The following SPATS2L variants were observed in gnomAD, a reference collection of about 807,000 sequenced individuals.
SPATS2L encodes spermatogenesis associated serine rich 2 like.
A neutral mutation model predicts 59.6 loss-of-function variants in SPATS2L; 30 were observed. The ratio of observed to expected loss-of-function variants is 0.50; its 90% CI spans 0.38 to 0.68. The LOEUF (loss-of-function observed/expected upper bound fraction) is 0.68. SPATS2L is among the 30% of genes least tolerant of loss of function. SPATS2L has a pLI of 0.00. For synonymous variants in SPATS2L, 252 were observed against 263.5 expected, an observed-to-expected ratio of 0.96 and a Z score of 0.42; for missense variants, 615 against 700.0, an observed-to-expected ratio of 0.88 and a Z score of 1.37.
chr2:200,444,000 C>T (rs2084869016), intron 8 of SPATS2L, among the ~76,000 whole-genome samples: 1 of 152,182 alleles, frequency 6.6e-6, no homozygotes, highest in Non-Finnish European at 1.5e-5. Context: ...AGAGCATTCT[C>T]ATTTTCCCAG....
chr2:200,413,046 A>G (rs898092425), intron 4 of SPATS2L, among the ~76,000 whole-genome samples: 2 of 152,134 alleles, frequency 1.3e-5, no homozygotes, highest in African/African-American at 4.8e-5. Flanking sequence ...ACAGACTGAG[A>G]CCCTGTCTCA....
chr2:200,415,120 C>T (rs181933924), intron 4 of SPATS2L, among the ~76,000 whole-genome samples: 4 of 152,210 alleles, frequency 2.6e-5, no homozygotes, highest in Admixed American at 1.3e-4. Flanking sequence ...ATTCTCTGGA[C>T]AAATTAGAGA....
At chr2:200,394,783 G>A (rs898342310) in intron 3 of SPATS2L, among the ~76,000 whole-genome samples, 2 of 152,092 alleles carry the variant, frequency 1.3e-5, no homozygotes, top group Non-Finnish European at 2.9e-5. Context: ...CAGAAACTTG[G>A]GTTACTTACG....
Position 200,462,029 on chromosome 2 carries a change from T to A in SPATS2L, c.847+2202T>A, listed in dbSNP as rs547041252. ...CTTTGATTGTGAAATTATTTTATTC[T>A]TATGAAATTTGTTGACATCTTCAGT... On this transcript the variant is annotated intron_variant, in intron 9 of 12. Transcript: ENST00000409140. 1.1e-4 allele frequency among the ~76,000 whole-genome samples: 16 copies of A among 152,316 alleles called. No individual in the cohort carries two copies. In the South Asian group the frequency reaches 3.1e-3, roughly 30 times the overall value.
intron 2 of SPATS2L, among the ~76,000 whole-genome samples, chr2:200,367,528 A>G (rs2081302632): frequency 6.6e-6 from 1 of 152,262 alleles, no homozygotes; most frequent in Non-Finnish European, 1.5e-5. Context: ...GAAAATCTAT[A>G]CTTTTCAAGA....
chr2:200,474,345 C>CA (rs1176497698), intron 12 of SPATS2L, among the ~76,000 whole-genome samples: 3 of 148,946 alleles, frequency 2.0e-5, no homozygotes, highest in Admixed American at 2.0e-4. Context: ...AGTTTTTGTT[C>CA]TTTTTTTTTT....
chr2:200,473,831 CTCT>C (rs2087274778), intron 12 of SPATS2L, among the ~76,000 whole-genome samples: 1 of 152,106 alleles, frequency 6.6e-6, no homozygotes, highest in Non-Finnish European at 1.5e-5. Flanking sequence ...GAAACCCTGT[CTCT>C]ACTAAAAACA....
chr2:200,350,297 C>T (rs1424890676), intron 2 of SPATS2L, among the ~76,000 whole-genome samples: 6 of 152,066 alleles, frequency 3.9e-5, no homozygotes, highest in African/African-American at 1.4e-4. Context: ...TGCTTTCCTT[C>T]TTTCTGAATG....
chr2:200,425,909 T>C (rs1227157943), intron 6 of SPATS2L, among the ~76,000 whole-genome samples: 1 of 152,026 alleles, frequency 6.6e-6, no homozygotes, highest in Admixed American at 6.6e-5. Flanking sequence ...AGCAATTCCA[T>C]AGAAGGTCCC....
At chr2:200,384,722 A>G (rs749433488) in intron 2 of SPATS2L, among the ~76,000 whole-genome samples, 1 of 152,212 alleles carries the variant, frequency 6.6e-6, no homozygotes. Context: ...TCTTTCCTTT[A>G]TGACTAATAT....
chr2:200,307,129 T>TCGC (rs1405294833), intron 1 of SPATS2L, among the ~76,000 whole-genome samples: 1 of 150,286 alleles, frequency 6.7e-6, no homozygotes, highest in Non-Finnish European at 1.5e-5. Context: ...GACGCGAAGG[T>TCGC]CGCCGTCCTT....
At chr2:200,313,141 G>A (rs375325925) in intron 1 of SPATS2L, among the ~76,000 whole-genome samples, 17 of 152,166 alleles carry the variant, frequency 1.1e-4, no homozygotes, top group African/African-American at 4.1e-4. Context: ...TGGTGACACT[G>A]AAAATATTTA....
intron 3 of SPATS2L, among the ~76,000 whole-genome samples, chr2:200,396,011 GAAAAAA>G (rs1218853084): frequency 1.3e-3 from 14 of 10,580 alleles, no homozygotes; most frequent in South Asian, 7.5e-3. Context: ...ACTCGATCTG[GAAAAAA>G]AAAAAAAAAA....
intron 2 of SPATS2L, among the ~76,000 whole-genome samples, chr2:200,347,263 G>A (rs1245887249): frequency 2.0e-5 from 3 of 152,110 alleles, no homozygotes; most frequent in Non-Finnish European, 4.4e-5. Flanking sequence ...AATGTCCCCA[G>A]CCAAAAGACT....
chr2:200,471,960 G>A (rs903733720), intron 11 of SPATS2L, among the ~76,000 whole-genome samples: 3 of 152,216 alleles, frequency 2.0e-5, no homozygotes, highest in Admixed American at 1.3e-4. Context: ...GGAAGTCAGG[G>A]CTTTATCCTT....
In SPATS2L at chr2:200,318,000, G is replaced by A. The variant is rs188041366; in HGVS notation, c.-73+11078G>A. On this transcript the variant is annotated intron_variant, in intron 1 of 12. Coordinates refer to ENST00000409140, the MANE Select transcript of SPATS2L (RefSeq NM_001100423.2). ...AGGGAAAAAGCTTTAGTATGCTAAG[G>A]TAAGAATGATTTTGATTGGAGGCAA... Among the ~76,000 whole-genome samples the A allele has an allele frequency of 2.0e-5, 3 of 152,310 alleles. No homozygotes were observed. The East Asian group carries it at 5.8e-4, about 29-fold the overall frequency.
rs115467849 is a variant in SPATS2L, at chr2:200,340,101, A to G, written c.-23+10621A>G. On this transcript the variant is annotated intron_variant, in intron 2 of 12. Coordinates refer to ENST00000409140, the MANE Select transcript of SPATS2L (RefSeq NM_001100423.2). ...TCGACCCACGTCACATCTGCAATCT[A>G]AGAGCCCCACTGTGGCCATCTCCCC... 3.7e-3 allele frequency among the ~76,000 whole-genome samples: 566 copies of G among 152,250 alleles called. 5 individuals carry two copies. The highest frequency in any genetic ancestry group is 0.013 in the African/African-American group (525 of 41,554).
intron 12 of SPATS2L, among the ~76,000 whole-genome samples, chr2:200,475,503 GA>G (rs958018210): frequency 6.6e-6 from 1 of 152,230 alleles, no homozygotes; most frequent in African/African-American, 2.4e-5. Flanking sequence ...ATAAAAGACA[GA>G]TGGTTGTATT....
intron 8 of SPATS2L, among the ~76,000 whole-genome samples, chr2:200,443,704 C>T (rs554432773): frequency 6.6e-6 from 1 of 152,294 alleles, no homozygotes; most frequent in East Asian, 1.9e-4. Context: ...CAAAAAGTGC[C>T]AGCATAAGGA....
Sources: gnomAD v4.1 joint callset for allele counts (sites outside exome capture counted in the v4.1 genomes callset) on GRCh38, gnomAD v4.1.1 for gene constraint, MANE v1.5 for transcripts, NCBI Gene and HGNC (gene_info 2026-07-23, HGNC 2026-07-21) for gene names.